PUDP: variants seen among roughly 807,000 people sequenced by gnomAD.
PUDP encodes pseudouridine-5'-phosphatase.
In PUDP, 8 loss-of-function variants were observed where a neutral mutation model predicts 9.4. That is an observed-to-expected ratio of 0.85 (90% CI 0.50 to 1.53). The LOEUF (loss-of-function observed/expected upper bound fraction) is 1.53, where lower values mean the gene tolerates loss of function less well. Ranked by LOEUF, PUDP falls within the 40% of genes most tolerant of loss-of-function variation. The pLI is 0.00. For missense variants in PUDP, 188 were observed against 189.7 expected, an observed-to-expected ratio of 0.99 and a Z score of 0.05; for synonymous variants, 99 against 80.7, an observed-to-expected ratio of 1.23 and a Z score of -1.22.
intron 2 of PUDP, among the ~76,000 whole-genome samples, chrX:7,078,786 A>G (rs1197027968): frequency 8.9e-6 from 1 of 112,039 alleles, no homozygotes; most frequent in Admixed American, 9.5e-5. Flanking sequence ...AGGCATGGAC[A>G]GATCATAATG....
At chrX:7,089,327 AAG>A (rs1396769365) in intron 2 of PUDP, among the ~76,000 whole-genome samples, 1 of 111,697 alleles carries the variant, frequency 9.0e-6, no homozygotes, top group Non-Finnish European at 1.9e-5. Flanking sequence ...TTGTGCATAA[AAG>A]AGAGTGAGGT....
chrX:6,967,744 C>T (rs1291301776), intron 3 of PUDP, among the ~76,000 whole-genome samples: 1 of 111,721 alleles, frequency 9.0e-6, no homozygotes, highest in African/African-American at 3.3e-5. Context: ...CTTGGCTGGT[C>T]CTAGAAACCA....
chrX:7,077,906 T>A (rs773159870), intron 2 of PUDP, among the ~76,000 whole-genome samples: 4 of 112,455 alleles, frequency 3.6e-5, no homozygotes, highest in Admixed American at 9.3e-5. Flanking sequence ...TCTGCAAAAA[T>A]GCTGTATTCT....
At chrX:6,868,333 G>T (rs1180328904) in intron 3 of PUDP, among the ~76,000 whole-genome samples, 4 of 112,144 alleles carry the variant, frequency 3.6e-5, no homozygotes, top group Non-Finnish European at 7.5e-5. Context: ...AGATCTCAAA[G>T]CTGAGTGGCC....
In PUDP at chrX:7,050,320, C is replaced by G. The variant is rs369101263; in HGVS notation, c.663G>C (p.Leu221=). 8.3e-6 allele frequency: 10 copies of G among 1,209,443 alleles called. No individual in the cohort carries two copies. Among genetic ancestry groups the G allele is most frequent in the Non-Finnish European group, 1.0e-5 (9 of 894,889 alleles). Residue 221 remains leucine (L), a synonymous_variant, in exon 4 of 4, where the codon CTG becomes CTC. Transcript: ENST00000381077. The part of the protein sequence containing the change: ...LNSLQDFQPE[L]FGLPSYE Reference sequence around the variant, plus strand: ...CTCACTCATAGGAGGGCAAACCAAACAGCTCGGGCTGGAAGTCCTGCAGGG... The same window carrying G: ...CTCACTCATAGGAGGGCAAACCAAAGAGCTCGGGCTGGAAGTCCTGCAGGG...
intron 3 of PUDP, among the ~76,000 whole-genome samples, chrX:6,822,474 T>C (rs1321929469): frequency 8.9e-6 from 1 of 112,327 alleles, no homozygotes; most frequent in Non-Finnish European, 1.9e-5. Flanking sequence ...TCGTCCAGGC[T>C]GGAGTGCAGT....
intron 2 of PUDP, among the ~76,000 whole-genome samples, chrX:7,081,322 T>A (rs1278581214): frequency 9.0e-6 from 1 of 111,143 alleles, no homozygotes; most frequent in Non-Finnish European, 1.9e-5. Context: ...CCTGGTAAAT[T>A]TTTTTATGTT....
intron 3 of PUDP, among the ~76,000 whole-genome samples, chrX:6,886,623 C>A (rs1334450698): frequency 9.0e-6 from 1 of 111,237 alleles, no homozygotes; most frequent in African/African-American, 3.3e-5. Context: ...AATACAAGGA[C>A]AACAGAACTA....
At chrX:6,944,613 G>A (rs938429527) in intron 3 of PUDP, among the ~76,000 whole-genome samples, 1 of 110,115 alleles carries the variant, frequency 9.1e-6, no homozygotes, top group Non-Finnish European at 1.9e-5. Flanking sequence ...GAAGGGAATA[G>A]TAGCCTAAAA....
chrX:7,060,854 C>T (rs1291268616), intron 3 of PUDP, among the ~76,000 whole-genome samples: 1 of 112,207 alleles, frequency 8.9e-6, no homozygotes, highest in Non-Finnish European at 1.9e-5. Flanking sequence ...ACTGAAGGGA[C>T]CAGCTCTGTG....
intron 3 of PUDP, among the ~76,000 whole-genome samples, chrX:6,779,108 C>A (rs1925515564): frequency 8.9e-6 from 1 of 112,057 alleles, no homozygotes; most frequent in Non-Finnish European, 1.9e-5. Flanking sequence ...AATGAGAAAG[C>A]AAAGAGCAGG....
chrX:7,009,089 C>G (rs1467042558), intron 1 of PUDP, among the ~76,000 whole-genome samples: 2 of 112,251 alleles, frequency 1.8e-5, no homozygotes, highest in Non-Finnish European at 3.8e-5. Context: ...AAATAAACAT[C>G]TTTAGAAAAA....
chrX:6,799,790 C>A (rs1403387328), intron 3 of PUDP, among the ~76,000 whole-genome samples: 1 of 110,431 alleles, frequency 9.1e-6, no homozygotes, highest in East Asian at 2.8e-4. Flanking sequence ...GAGCCGAGAC[C>A]ACGCCATTGC....
intron 3 of PUDP, among the ~76,000 whole-genome samples, chrX:6,815,235 C>T (rs1926210316): frequency 9.2e-6 from 1 of 109,165 alleles, no homozygotes; most frequent in Non-Finnish European, 1.9e-5. Flanking sequence ...AAATAACATG[C>T]CCCAAATATG....
chrX:6,844,503 T>C (rs951794175), intron 3 of PUDP, among the ~76,000 whole-genome samples: 3 of 112,183 alleles, frequency 2.7e-5, no homozygotes, highest in African/African-American at 9.7e-5. Flanking sequence ...AATAAGAACA[T>C]AGAAGACATG....
Position 7,076,136 on chromosome X carries a change from A to T in PUDP, c.510+1084T>A, listed in dbSNP as rs760750993. Among the ~76,000 whole-genome samples the T allele has an allele frequency of 4.5e-5, 5 of 111,781 alleles. No individual in the cohort carries two copies. The South Asian group carries it at 1.5e-3, about 34-fold the overall frequency. On this transcript the variant is annotated intron_variant, in intron 3 of 3. Coordinates refer to ENST00000381077, the MANE Select transcript of PUDP (RefSeq NM_012080.5). ...GTAAGTTGCACCCTGGGCAAAAAACAAAACAAAACAAAACAACAACAACAA... is the reference window on the plus strand; with the variant it reads ...GTAAGTTGCACCCTGGGCAAAAAACTAAACAAAACAAAACAACAACAACAA...
At chrX:6,986,910 T>C (rs1929110392) in intron 1 of PUDP, among the ~76,000 whole-genome samples, 1 of 112,281 alleles carries the variant, frequency 8.9e-6, no homozygotes, top group Admixed American at 9.4e-5. Flanking sequence ...CAGAATTTCA[T>C]TGCCAATCTC....
At chrX:6,867,889 T>C (rs1927114198) in intron 3 of PUDP, among the ~76,000 whole-genome samples, 1 of 111,489 alleles carries the variant, frequency 9.0e-6, no homozygotes, top group African/African-American at 3.3e-5. Context: ...AATTCCATGA[T>C]GGAGGGCAGA....
At chrX:6,837,454 A>G (rs1393833625) in intron 3 of PUDP, among the ~76,000 whole-genome samples, 1 of 112,812 alleles carries the variant, frequency 8.9e-6, no homozygotes, top group Non-Finnish European at 1.9e-5. Flanking sequence ...CACTTGGGAA[A>G]TCTCAGAGAA....
Sources: allele counts gnomAD v4.1 joint callset (sites outside exome capture counted in the v4.1 genomes callset), GRCh38; gene constraint gnomAD v4.1.1; transcripts MANE v1.5; gene names NCBI Gene and HGNC (gene_info 2026-07-23, HGNC 2026-07-21).